DKK2: variants seen among roughly 807,000 people sequenced by gnomAD.
DKK2 encodes dickkopf-related protein 2.
DKK2 carries 11 observed loss-of-function variants against 28.1 expected under a neutral mutation model. The ratio of observed to expected loss-of-function variants is 0.39; its 90% confidence interval spans 0.25 to 0.65. The LOEUF is 0.65. Ranked by LOEUF, DKK2 falls within the 30% of genes least tolerant of loss-of-function variation. The probability of loss-of-function intolerance (pLI) is 0.47; values close to 1 mark genes in which losing one functional copy is unlikely to be tolerated. For synonymous variants in DKK2, 135 were observed against 126.5 expected (o/e 1.07, Z -0.45); for missense variants, 326 against 335.5 (o/e 0.97, Z 0.22).
chr4:107,005,929 C>A (rs767755445), intron 1 of DKK2, among the ~76,000 whole-genome samples: 4 of 152,158 alleles, frequency 2.6e-5, no homozygotes, highest in Non-Finnish European at 4.4e-5. Context: ...ACATCAGAAT[C>A]ATTGTGGAAG....
chr4:106,967,319 TA>T (rs369838541), intron 1 of DKK2, among the ~76,000 whole-genome samples: 79 of 152,220 alleles, frequency 5.2e-4, no homozygotes, highest in African/African-American at 1.8e-3. Flanking sequence ...TGGTCTAGAC[TA>T]AAAGTCAGAA....
intron 1 of DKK2, among the ~76,000 whole-genome samples, chr4:107,029,920 T>A (rs192113505): frequency 2.3e-3 from 347 of 152,248 alleles, no homozygotes; most frequent in East Asian, 3.5e-3. Context: ...AACATTTTTT[T>A]AAAAATTGAC....
At chr4:107,024,774 AT>A (rs1723747546) in intron 1 of DKK2, among the ~76,000 whole-genome samples, 2 of 152,174 alleles carry the variant, frequency 1.3e-5, no homozygotes, top group African/African-American at 4.8e-5. Flanking sequence ...GTGTTATACA[AT>A]TTATTTGAGG....
At chr4:106,984,172 T>A (rs1723083450) in intron 1 of DKK2, among the ~76,000 whole-genome samples, 1 of 152,194 alleles carries the variant, frequency 6.6e-6, no homozygotes, top group Admixed American at 6.5e-5. Context: ...TGTAGCAGGT[T>A]TATTAACTTT....
rs1264449555 is a variant in DKK2, at chr4:106,953,007, A to T, written c.223-27058T>A. Among the ~76,000 whole-genome samples, 18 of 152,186 alleles carry T rather than the reference A, an allele frequency of 1.2e-4. 1 individual carries two copies. The highest frequency in any genetic ancestry group is 1.2e-3 in the Admixed American group (18 of 15,258). On this transcript the variant is annotated intron_variant, in intron 1 of 3. Coordinates refer to ENST00000285311, the MANE Select transcript of DKK2 (RefSeq NM_014421.3). ...TTTCAATGTATTTTTTAGGGACAACATTCTCTTTTATCCATATTTTTGAAT... is the reference window on the plus strand; with the variant it reads ...TTTCAATGTATTTTTTAGGGACAACTTTCTCTTTTATCCATATTTTTGAAT...
chr4:106,957,912 AAATT>A (rs539263383), intron 1 of DKK2, among the ~76,000 whole-genome samples: 2,196 of 150,714 alleles, frequency 0.015, 24 homozygotes, highest in Middle Eastern at 0.06. Context: ...ATAATAATTA[AAATT>A]AATTAATTAA....
intron 1 of DKK2, among the ~76,000 whole-genome samples, chr4:106,949,855 C>G (rs1360790465): frequency 2.0e-5 from 3 of 151,990 alleles, no homozygotes; most frequent in Non-Finnish European, 4.4e-5. Flanking sequence ...TAGGACCAAA[C>G]CAAACACCTA....
rs749570842 is a variant in DKK2, at chr4:107,035,628, C to G, written c.-37G>C. The G allele has an allele frequency of 1.2e-6, 2 of 1,608,096 alleles. No homozygotes were observed. Among genetic ancestry groups the G allele is most frequent in the Non-Finnish European group, 1.7e-6 (2 of 1,177,802 alleles). ...GGGGTCCCCAGGAAGACGCAAAGCC[C>G]GGAGGGGTGGGAATGCAAAGGGAGG... On this transcript the variant is annotated 5_prime_UTR_variant, in exon 1 of 4. Coordinates refer to ENST00000285311, the MANE Select transcript of DKK2 (RefSeq NM_014421.3).
At chr4:107,027,825 C>T (rs1027634965) in intron 1 of DKK2, among the ~76,000 whole-genome samples, 1 of 150,240 alleles carries the variant, frequency 6.7e-6, no homozygotes, top group South Asian at 2.1e-4. Context: ...GATCTCGGCT[C>T]ACTGCAAGCT....
chr4:107,014,779 C>T lies in DKK2; in HGVS notation c.222+20591G>A, dbSNP rs1320118240. ...CTCATAAACATGTACAATTATGTCTCAATTAGTCAATTATAAACAAAATTA... is the reference window on the plus strand; with the variant it reads ...CTCATAAACATGTACAATTATGTCTTAATTAGTCAATTATAAACAAAATTA... On this transcript the variant is annotated intron_variant, in intron 1 of 3. Transcript: ENST00000285311. Among the ~76,000 whole-genome samples the T allele has an allele frequency of 2.0e-5, 3 of 151,312 alleles. No individual in the cohort carries two copies. In the East Asian group the frequency reaches 5.8e-4, roughly 29 times the overall value.
chr4:106,971,508 CTA>C (rs1343188465), intron 1 of DKK2, among the ~76,000 whole-genome samples: 1 of 152,036 alleles, frequency 6.6e-6, no homozygotes, highest in Non-Finnish European at 1.5e-5. Flanking sequence ...ACACAACTAC[CTA>C]TAATGTAGGC....
At chr4:106,938,473 A>T (rs1374727753) in intron 1 of DKK2, among the ~76,000 whole-genome samples, 1 of 152,214 alleles carries the variant, frequency 6.6e-6, no homozygotes, top group East Asian at 1.9e-4. Flanking sequence ...TGTGGCAATA[A>T]TCAATAGCTT....
intron 1 of DKK2, among the ~76,000 whole-genome samples, chr4:106,975,886 A>C (rs1360550989): frequency 6.6e-6 from 1 of 152,116 alleles, no homozygotes; most frequent in East Asian, 1.9e-4. Context: ...TAGTGCTATA[A>C]ATTTCCTTCT....
At chr4:107,021,419 G>T (rs2110373552) in intron 1 of DKK2, among the ~76,000 whole-genome samples, 1 of 152,122 alleles carries the variant, frequency 6.6e-6, no homozygotes, top group African/African-American at 2.4e-5. Flanking sequence ...TCTCTGTGGT[G>T]ACTAATATGG....
intron 1 of DKK2, among the ~76,000 whole-genome samples, chr4:106,977,084 TG>T (rs1414781865): frequency 6.6e-6 from 1 of 152,216 alleles, no homozygotes; most frequent in African/African-American, 2.4e-5. Context: ...TCTTCTGGCT[TG>T]TAGGGTTTCT....
intron 1 of DKK2, among the ~76,000 whole-genome samples, chr4:106,958,509 C>T (rs553541000): frequency 5.3e-5 from 8 of 151,860 alleles, no homozygotes; most frequent in Non-Finnish European, 1.0e-4. Flanking sequence ...GCATGCCAAG[C>T]AGTATTTTTG....
Position 107,018,112 on chromosome 4 carries a change from G to A in DKK2, c.222+17258C>T, listed in dbSNP as rs956884679. 7.2e-5 allele frequency among the ~76,000 whole-genome samples: 11 copies of A among 152,082 alleles called. No homozygotes were observed. The East Asian group carries it at 1.2e-3, about 16-fold the overall frequency. On this transcript the variant is annotated intron_variant, in intron 1 of 3. Transcript: ENST00000285311. ...CTCTTAGAACACACCACACACCCTC[G>A]ATCTGAGCTCAGTCTGAGCCAGAGG...
intron 1 of DKK2, among the ~76,000 whole-genome samples, chr4:106,978,958 G>GA (rs1404341943): frequency 2.0e-5 from 3 of 152,086 alleles, no homozygotes; most frequent in African/African-American, 7.2e-5. Flanking sequence ...GTCTGGGCCG[G>GA]AATGCACCAC....
chr4:107,004,285 T>C (rs1005475151), intron 1 of DKK2, among the ~76,000 whole-genome samples: 8 of 152,208 alleles, frequency 5.3e-5, no homozygotes, highest in Non-Finnish European at 2.9e-5. Flanking sequence ...TACTAACTAC[T>C]GTATCTGGTG....
Sources: allele counts gnomAD v4.1 joint callset (sites outside exome capture counted in the v4.1 genomes callset), GRCh38; gene constraint gnomAD v4.1.1; transcripts MANE v1.5; gene names NCBI Gene and HGNC (gene_info 2026-07-23, HGNC 2026-07-21).